Variants in ANKDD1B observed in about 807,000 individuals in gnomAD.
ANKDD1B encodes the protein ankyrin repeat and death domain-containing protein 1B.
ANKDD1B carries 57 observed loss-of-function variants against 59.7 expected under a neutral mutation model. That is an observed-to-expected ratio of 0.95 (90% CI 0.77 to 1.19). The LOEUF (loss-of-function observed/expected upper bound fraction) is 1.19. ANKDD1B is among the 50% of genes most tolerant of loss of function. The pLI, the probability that ANKDD1B is intolerant of heterozygous loss-of-function variation, is 0.00. For missense variants in ANKDD1B, 602 were observed against 641.9 expected (o/e 0.94, Z 0.67); for synonymous variants, 216 against 239.5 (o/e 0.90, Z 0.91).
chr5:75,639,244 G>A, intron 7 of ANKDD1B, among the ~76,000 whole-genome samples: 1 of 152,208 alleles, frequency 6.6e-6, no homozygotes, highest in East Asian at 1.9e-4. Context: ...TTGCCCAGGC[G>A]GGAGTACAAT....
At chr5:75,631,977 C>T (rs1001515520) in intron 5 of ANKDD1B, among the ~76,000 whole-genome samples, 1 of 151,712 alleles carries the variant, frequency 6.6e-6, no homozygotes, top group African/African-American at 2.4e-5. Flanking sequence ...CATTGTGGTG[C>T]GCGCCTGTAA....
At chr5:75,648,569 C>T (rs1774724313) in intron 7 of ANKDD1B, among the ~76,000 whole-genome samples, 1 of 152,200 alleles carries the variant, frequency 6.6e-6, no homozygotes, top group Non-Finnish European at 1.5e-5. Context: ...TTGCCCCTGT[C>T]CTTACAGCCA....
chr5:75,612,271 C>T (rs1773582592), intron 1 of ANKDD1B, among the ~76,000 whole-genome samples: 1 of 151,114 alleles, frequency 6.6e-6, no homozygotes, highest in Admixed American at 6.6e-5. Context: ...TAAACTGAGG[C>T]AGCTGTTAAG....
chr5:75,624,251 C>T (rs552314187), intron 3 of ANKDD1B, among the ~76,000 whole-genome samples: 3 of 152,314 alleles, frequency 2.0e-5, no homozygotes, highest in East Asian at 3.9e-4. Context: ...CCAAGATCCC[C>T]GTACTTGAAA....
chr5:75,658,661 C>T (rs1310909404), intron 9 of ANKDD1B, among the ~76,000 whole-genome samples: 1 of 152,102 alleles, frequency 6.6e-6, no homozygotes, highest in African/African-American at 2.4e-5. Context: ...ATTTTTGTCT[C>T]TTTCTCTATG....
At chr5:75,659,251 C>A in intron 9 of ANKDD1B, 32 bp from the exon 10 acceptor site, 2 of 1,481,482 alleles carry the variant, frequency 1.3e-6, no homozygotes, top group Non-Finnish European at 1.8e-6. Context: ...TTTCACCGTC[C>A]AAGTTTGTTC....
At chr5:75,611,899 C>A in intron 1 of ANKDD1B, 72 bp downstream of exon 1, 1 of 1,172,484 alleles carries the variant, frequency 8.5e-7, no homozygotes, top group Non-Finnish European at 1.1e-6. Flanking sequence ...TGAGAAGGTA[C>A]CCAGAGCAGC....
At chr5:75,616,615 AG>A (rs1178934630) in intron 1 of ANKDD1B, among the ~76,000 whole-genome samples, 188 bp from the exon 2 acceptor site, 1 of 152,246 alleles carries the variant, frequency 6.6e-6, no homozygotes, top group African/African-American at 2.4e-5. Flanking sequence ...AAGCGCTTGC[AG>A]CATGAGGAGA....
intron 7 of ANKDD1B, among the ~76,000 whole-genome samples, chr5:75,636,229 C>T (rs1472995154): frequency 1.3e-5 from 2 of 152,160 alleles, no homozygotes; most frequent in Admixed American, 6.5e-5. Context: ...GCCATGAGAA[C>T]ACAGAGAAAG....
Position 75,661,899 on chromosome 5 carries a change from ATTTTTTTTT to A in ANKDD1B, c.1096-1478_1096-1470del, listed in dbSNP as rs35120763. On this transcript the variant is annotated intron_variant, in intron 10 of 13. Transcript: ENST00000601380. ...AATATCTTTTCTATTGGCTCCCACA[ATTTTTTTTT>A]TTTTTTTTTTTTTTTTGCCAAAGAA... Among the ~76,000 whole-genome samples, 18 of 92,808 alleles carry A rather than the reference ATTTTTTTTT, an allele frequency of 1.9e-4. No homozygotes were observed. In the South Asian group the frequency reaches 3.9e-3, roughly 20 times the overall value. 60.9% of individuals were successfully genotyped at this position (92,808 alleles called of 152,430 possible).
In ANKDD1B at chr5:75,611,665, G is replaced by T. The variant is rs539563336; in HGVS notation, c.31G>T (p.Gly11Trp). 2.4e-6 allele frequency: 3 copies of T among 1,231,632 alleles called. No individual in the cohort carries two copies. Among genetic ancestry groups the T allele is most frequent in the African/African-American group, 1.5e-5 (1 of 64,520 alleles). 76.3% of individuals were successfully genotyped at this position (1,231,632 alleles called of 1,614,324 possible). Residue 11 changes from glycine (G) to tryptophan (W), a missense_variant, in exon 1 of 14, where the codon GGG becomes TGG. Coordinates refer to ENST00000601380, the MANE Select transcript of ANKDD1B (RefSeq NM_001276713.2). MDPAGRARGQ[G>W]ATAGGLLLRA... ...CCCCGCCGGGCGCGCCCGGGGCCAA[G>T]GGGCCACGGCAGGGGGGCTGCTGCT...
intron 10 of ANKDD1B, among the ~76,000 whole-genome samples, chr5:75,661,028 A>G (rs2112018786): frequency 6.6e-6 from 1 of 151,852 alleles, no homozygotes; most frequent in South Asian, 2.1e-4. Flanking sequence ...AAGTAGTTAT[A>G]TGTTATTTTA....
chr5:75,669,614 T>G (rs902776015), intron 13 of ANKDD1B, among the ~76,000 whole-genome samples: 1 of 152,150 alleles, frequency 6.6e-6, no homozygotes, highest in Non-Finnish European at 1.5e-5. Context: ...ATCCCCCTAC[T>G]CAGCATTTGA....
At position 75,666,643 on chromosome 5, in the gene ANKDD1B, AATAT is replaced by A. The variant is rs10561485; in HGVS notation, c.1192-142_1192-139del. On this transcript the variant is annotated intron_variant, in intron 11 of 13. Transcript: ENST00000601380. ...TCCATTTTGGATGGCAAAAAAAAAAAATATATATATGATCCAGTGACAGGAGGCA... is the reference window on the plus strand; with the variant it reads ...TCCATTTTGGATGGCAAAAAAAAAAAATATATGATCCAGTGACAGGAGGCA... 62 of 393,788 alleles carry A rather than the reference AATAT, an allele frequency of 1.6e-4. No individual in the cohort carries two copies. In the African/African-American group the frequency reaches 1.8e-3, roughly 12 times the overall value. The allele number at this position is 393,788 out of a possible 1,614,324, so 24.4% of individuals were successfully genotyped here. A position where few individuals can be genotyped will look rare whatever the true frequency, so the allele number is the denominator to read the frequency against.
chr5:75,616,762 T>C, intron 1 of ANKDD1B, 42 bp from the exon 2 acceptor site: 1 of 931,930 alleles, frequency 1.1e-6, no homozygotes, highest in Non-Finnish European at 1.6e-6. Flanking sequence ...CTCTTTGGCC[T>C]CCTTAAATTC....
At chr5:75,649,552 C>T (rs1016391851) in intron 7 of ANKDD1B, among the ~76,000 whole-genome samples, 7 of 152,062 alleles carry the variant, frequency 4.6e-5, no homozygotes, top group Non-Finnish European at 1.0e-4. Context: ...GCCCATGATG[C>T]CTAGAGGTAA....
At chr5:75,613,373 T>G (rs1773621965) in intron 1 of ANKDD1B, among the ~76,000 whole-genome samples, 1 of 152,250 alleles carries the variant, frequency 6.6e-6, no homozygotes, top group South Asian at 2.1e-4. Flanking sequence ...AAAGAAGAGA[T>G]AATTTCCAGG....
At chr5:75,616,034 A>G (rs1430096901) in intron 1 of ANKDD1B, among the ~76,000 whole-genome samples, 1 of 152,180 alleles carries the variant, frequency 6.6e-6, no homozygotes, top group Admixed American at 6.5e-5. Context: ...ACTAATCCAC[A>G]ACACATCTAC....
chr5:75,628,030 C>G (rs1313294216), intron 5 of ANKDD1B, among the ~76,000 whole-genome samples: 1 of 152,206 alleles, frequency 6.6e-6, no homozygotes, highest in African/African-American at 2.4e-5. Flanking sequence ...AAGGAATGAG[C>G]AAATAATGAG....
Sources: allele counts gnomAD v4.1 joint callset (sites outside exome capture counted in the v4.1 genomes callset), GRCh38; gene constraint gnomAD v4.1.1; transcripts MANE v1.5; gene names NCBI Gene and HGNC (gene_info 2026-07-23, HGNC 2026-07-21).